Variants in TCERG1L observed in about 807,000 individuals in gnomAD.
The protein encoded by TCERG1L is transcription elongation regulator 1-like protein.
TCERG1L carries 37 observed loss-of-function variants against 56.3 expected under a neutral mutation model. The ratio of observed to expected loss-of-function variants is 0.66; its 90% confidence interval spans 0.51 to 0.87. The LOEUF (loss-of-function observed/expected upper bound fraction) is 0.87, where lower values mean the gene tolerates loss of function less well. Among genes scored for constraint, TCERG1L ranks in the 40% least tolerant of loss-of-function variants. The pLI is 0.00. For missense variants in TCERG1L, 799 were observed against 774.2 expected (o/e 1.03, Z -0.38); for synonymous variants, 324 against 326.3 (o/e 0.99, Z 0.08).
intron 4 of TCERG1L, among the ~76,000 whole-genome samples, chr10:131,245,716 G>A (rs1260276465): frequency 2.6e-5 from 4 of 152,210 alleles, no homozygotes; most frequent in Non-Finnish European, 5.9e-5. Context: ...CCTCGGTACA[G>A]GTTAGTGTAT....
Position 131,095,632 on chromosome 10 carries a change from A to G in TCERG1L, c.1605-2314T>C, listed in dbSNP as rs534990088. 7 of 152,368 alleles carry G rather than the reference A, an allele frequency of 4.6e-5. No homozygotes were observed. In the East Asian group the frequency reaches 1.2e-3, roughly 25 times the overall value. 9.4% of individuals were successfully genotyped at this position (152,368 alleles called of 1,614,324 possible). Reference sequence around the variant, plus strand: ...CTTAGCTACTTTTAAAATGAAAAAAATAGCTTTATAATTATCAAAGCAATA... The same window carrying G: ...CTTAGCTACTTTTAAAATGAAAAAAGTAGCTTTATAATTATCAAAGCAATA... On this transcript the variant is annotated intron_variant, in intron 11 of 11. Coordinates refer to ENST00000368642, the MANE Select transcript of TCERG1L (RefSeq NM_174937.4).
At chr10:131,131,091 T>C (rs1208420302) in intron 8 of TCERG1L, among the ~76,000 whole-genome samples, 1 of 152,182 alleles carries the variant, frequency 6.6e-6, no homozygotes, top group Non-Finnish European at 1.5e-5. Context: ...AACAATCTGA[T>C]GACTTAAGAA....
At chr10:131,237,326 C>T (rs1697999215) in intron 4 of TCERG1L, among the ~76,000 whole-genome samples, 1 of 152,118 alleles carries the variant, frequency 6.6e-6, no homozygotes, top group African/African-American at 2.4e-5. Flanking sequence ...CCATGCTGGT[C>T]ACTTTCCACC....
At chr10:131,210,278 C>T (rs1397671041) in intron 4 of TCERG1L, among the ~76,000 whole-genome samples, 3 of 152,238 alleles carry the variant, frequency 2.0e-5, no homozygotes, top group African/African-American at 7.2e-5. Context: ...GCCTTGCAGA[C>T]AGTGTCAGCT....
At chr10:131,272,287 C>T (rs1017522003) in intron 3 of TCERG1L, among the ~76,000 whole-genome samples, 4 of 152,242 alleles carry the variant, frequency 2.6e-5, no homozygotes, top group Non-Finnish European at 5.9e-5. Context: ...CTGACTGAGG[C>T]GCCCTGCAGA....
At chr10:131,105,673 G>A (rs1290901141) in intron 9 of TCERG1L, among the ~76,000 whole-genome samples, 6 of 151,758 alleles carry the variant, frequency 4.0e-5, no homozygotes, top group African/African-American at 1.5e-4. Flanking sequence ...GCCCATGCTA[G>A]GGCTGGACTC....
rs941744920 is a variant in TCERG1L at position 131,215,973 on chromosome 10, A to G, written c.856+44286T>C. On this transcript the variant is annotated intron_variant, in intron 4 of 11. Coordinates refer to ENST00000368642, the MANE Select transcript of TCERG1L (RefSeq NM_174937.4). ...CACGAACGCGCACTGTGGGGCGGCC[A>G]CAGCTGAGCCATGCTGCCCAGACTC... Among the ~76,000 whole-genome samples the G allele has an allele frequency of 1.2e-4, 18 of 152,322 alleles. No homozygotes were observed. The East Asian group carries it at 3.3e-3, about 28-fold the overall frequency.
intron 3 of TCERG1L, among the ~76,000 whole-genome samples, chr10:131,285,538 A>AAAAGAAAAGAAAAGAAAAG (rs150741439): frequency 1.6e-4 from 6 of 37,200 alleles, no homozygotes; most frequent in African/African-American, 4.3e-4. Flanking sequence ...GAAAGAAAAG[A>AAAAGAAAAGAAAAGAAAAG]AAAGAAAGAA....
intron 4 of TCERG1L, among the ~76,000 whole-genome samples, chr10:131,231,161 GCCACTGCCCTCAGA>G (rs2133509916): frequency 6.6e-6 from 1 of 152,336 alleles, no homozygotes; most frequent in Non-Finnish European, 1.5e-5. Context: ...TTCTGAGCAG[GCCACTGCCCTCAGA>G]CTGCCCGAGG....
chr10:131,137,246 C>T (rs540767432), intron 7 of TCERG1L, among the ~76,000 whole-genome samples: 13 of 152,166 alleles, frequency 8.5e-5, no homozygotes, highest in African/African-American at 2.2e-4. Flanking sequence ...GTGCAGTACT[C>T]CTCGGCTGTG....
chr10:131,277,985 C>T (rs909819307), intron 3 of TCERG1L, among the ~76,000 whole-genome samples: 1 of 152,106 alleles, frequency 6.6e-6, no homozygotes, highest in African/African-American at 2.4e-5. Context: ...GGAGCTTCAG[C>T]CACTCCCCAA....
intron 4 of TCERG1L, among the ~76,000 whole-genome samples, chr10:131,199,864 C>G (rs1259955365): frequency 1.3e-5 from 2 of 152,210 alleles, no homozygotes; most frequent in Non-Finnish European, 2.9e-5. Context: ...CTTTAAACAC[C>G]TACTCGGAGC....
intron 4 of TCERG1L, among the ~76,000 whole-genome samples, chr10:131,248,649 G>A (rs1846068876): frequency 6.6e-6 from 1 of 152,182 alleles, no homozygotes; most frequent in Admixed American, 6.5e-5. Flanking sequence ...AGGAACACAG[G>A]GAATGAGAGC....
intron 4 of TCERG1L, among the ~76,000 whole-genome samples, chr10:131,189,232 C>T (rs1845280398): frequency 6.6e-6 from 1 of 152,164 alleles, no homozygotes; most frequent in African/African-American, 2.4e-5. Flanking sequence ...TTATGACATG[C>T]ATAGATAGGG....
intron 4 of TCERG1L, among the ~76,000 whole-genome samples, chr10:131,256,976 GGAAGGAAGGAAGGAAGGAAA>G (rs1846170691): frequency 2.9e-5 from 2 of 69,724 alleles, no homozygotes; most frequent in Admixed American, 1.4e-4. Context: ...AAGGAAGGAA[GGAAGGAAGGAAGGAAGGAAA>G]GAAAGAAAGA....
At chr10:131,204,020 T>G (rs980424823) in intron 4 of TCERG1L, among the ~76,000 whole-genome samples, 3 of 152,150 alleles carry the variant, frequency 2.0e-5, no homozygotes, top group African/African-American at 7.2e-5. Context: ...AGATGTGAAG[T>G]GATGAGAGCA....
intron 4 of TCERG1L, among the ~76,000 whole-genome samples, chr10:131,180,402 T>C (rs1402252850): frequency 6.6e-6 from 1 of 152,272 alleles, no homozygotes; most frequent in Non-Finnish European, 1.5e-5. Context: ...ATTGCATTGC[T>C]AATGTCATAT....
chr10:131,150,527 T>G (rs1400597628), intron 6 of TCERG1L, among the ~76,000 whole-genome samples: 1 of 152,134 alleles, frequency 6.6e-6, no homozygotes, highest in African/African-American at 2.4e-5. Flanking sequence ...CTTTCCTAAC[T>G]TGGTAACTCG....
At chr10:131,273,076 C>A (rs1805426196) in intron 3 of TCERG1L, among the ~76,000 whole-genome samples, 1 of 152,120 alleles carries the variant, frequency 6.6e-6, no homozygotes, top group African/African-American at 2.4e-5. Context: ...GTGGGCCCGA[C>A]CTCACCCTCA....
Sources: allele counts gnomAD v4.1 joint callset (sites outside exome capture counted in the v4.1 genomes callset), GRCh38; gene constraint gnomAD v4.1.1; transcripts MANE v1.5; gene names NCBI Gene and HGNC (gene_info 2026-07-23, HGNC 2026-07-21).